CFAP251: variants seen among roughly 807,000 people sequenced by gnomAD.
The protein encoded by CFAP251 is cilia- and flagella-associated protein 251.
Under a neutral mutation model 126.7 loss-of-function variants are expected in CFAP251, and 93 were observed. The observed-to-expected ratio is 0.73, with a 90% confidence interval of 0.62 to 0.87. The LOEUF is 0.87. CFAP251 is among the 40% of genes least tolerant of loss of function. The pLI, the probability that CFAP251 is intolerant of heterozygous loss-of-function variation, is 0.00. For synonymous variants in CFAP251, 503 were observed against 506.9 expected (o/e 0.99, Z 0.10); for missense variants, 1,287 against 1,389.2 (o/e 0.93, Z 1.17).
chr12:121,974,532 A>T lies in CFAP251; in HGVS notation c.2772-712A>T, dbSNP rs1012043987. ...ATGTCCGTGTGACTCCACACTCTGG[A>T]CACTTCCCCACTTCCCCACTGTGGT... On this transcript the variant is annotated intron_variant, in intron 17 of 21. Coordinates refer to ENST00000288912, the MANE Select transcript of CFAP251 (RefSeq NM_144668.6). This position sits in a 1 kb window ranked among gnomAD's most constrained non-coding sequence, Gnocchi z 4.6. 1.3e-5 allele frequency among the ~76,000 whole-genome samples: 2 copies of T among 152,036 alleles called. No homozygotes were observed. Among genetic ancestry groups the T allele is most frequent in the Non-Finnish European group, 2.9e-5 (2 of 68,006 alleles).
chr12:121,926,534 C>G (rs550343338), intron 3 of CFAP251, among the ~76,000 whole-genome samples: 73 of 152,130 alleles, frequency 4.8e-4, no homozygotes, highest in African/African-American at 1.7e-3. Flanking sequence ...CACTATGTCT[C>G]TCAGGCTGGC....
intron 17 of CFAP251, 86 bp from the exon 18 acceptor site, chr12:121,975,157 GA>G: frequency 9.6e-7 from 1 of 1,038,650 alleles, no homozygotes; most frequent in South Asian, 1.3e-5. Flanking sequence ...ATACCCTTCA[GA>G]GGGCCGCAGT....
chr12:121,967,957 C>G (rs754301648), intron 16 of CFAP251, 49 bp from the exon 17 acceptor site: 9 of 1,546,850 alleles, frequency 5.8e-6, no homozygotes, highest in Non-Finnish European at 7.1e-6. Context: ...AGGCCTCTCT[C>G]GGGCCCAGCT....
chr12:121,970,785 C>G (rs956691242), intron 17 of CFAP251, among the ~76,000 whole-genome samples: 7 of 152,230 alleles, frequency 4.6e-5, no homozygotes, highest in African/African-American at 1.4e-4. Flanking sequence ...CACTTGCTGT[C>G]TACTTGGCCC....
In CFAP251 at chr12:121,920,871, A is replaced by G. The variant is rs137878853; in HGVS notation, c.-20-415A>G. Among the ~76,000 whole-genome samples, 193 of 150,304 alleles carry G rather than the reference A, an allele frequency of 1.3e-3. 4 individuals are homozygous for G. The East Asian group carries it at 0.036, about 28-fold the overall frequency. On this transcript the variant is annotated intron_variant, in intron 1 of 21. Transcript: ENST00000288912. ...CTTTTTTTGTTTTTATTTTTGAGAC[A>G]GAACTTTGCTCTTGTTACCCAGGCT...
intron 7 of CFAP251, among the ~76,000 whole-genome samples, chr12:121,945,297 T>C (rs1042772813): frequency 1.3e-5 from 2 of 152,078 alleles, no homozygotes; most frequent in Non-Finnish European, 2.9e-5. Flanking sequence ...CCCACAGCAG[T>C]CAGACTGTTT....
chr12:121,997,394 C>T (rs1346740981), intron 19 of CFAP251: 1 of 100,694 alleles, frequency 9.9e-6, no homozygotes, highest in African/African-American at 4.1e-5. Flanking sequence ...TCCTGACCAT[C>T]ATCTCTCAAA....
chr12:121,920,812 G>A (rs529421403), intron 1 of CFAP251, among the ~76,000 whole-genome samples: 3 of 151,440 alleles, frequency 2.0e-5, no homozygotes, highest in African/African-American at 7.3e-5. Context: ...GATTACAGGC[G>A]TGAGCCACTG....
chr12:121,957,145 A>G lies in CFAP251; in HGVS notation c.1607A>G (p.Tyr536Cys). ...CACACCCTGTCTATTGTTAACTGGTACAGTCACTTGAAACTGGGCGCCATA... is the reference window on the plus strand; with the variant it reads ...CACACCCTGTCTATTGTTAACTGGTGCAGTCACTTGAAACTGGGCGCCATA... ...YDHTLSIVNW[Y>C]SHLKLGAIRT... Residue 536 changes from tyrosine (Y) to cysteine (C), a missense_variant, in exon 11 of 22, where the codon TAC (tyrosine) becomes TGC (cysteine). Physicochemically the swap from Tyr to Cys is radical, Grantham distance 194 (BLOSUM62 -2). Transcript: ENST00000288912. 6.2e-7 allele frequency: 1 copy of G among 1,614,156 alleles called. No individual in the cohort carries two copies. The highest frequency in any genetic ancestry group is 2.2e-5 in the East Asian group (1 of 44,874).
chr12:121,958,772 G>A (rs555294047), intron 12 of CFAP251, among the ~76,000 whole-genome samples, 171 bp from the exon 13 acceptor site: 10 of 152,332 alleles, frequency 6.6e-5, no homozygotes, highest in African/African-American at 2.4e-4. Flanking sequence ...CTATCTGTGC[G>A]TCTCTGCGCG....
chr12:121,975,478 T>G lies in CFAP251; in HGVS notation c.2863-64T>G, dbSNP rs1335161093. On this transcript the variant is annotated intron_variant, in intron 18 of 21. Coordinates refer to ENST00000288912, the MANE Select transcript of CFAP251 (RefSeq NM_144668.6). ...TACTTTCTAGAAAATGTCCTTGAAGTGTTCATGGATGCTTCAGACTTAAGC... is the reference window on the plus strand; with the variant it reads ...TACTTTCTAGAAAATGTCCTTGAAGGGTTCATGGATGCTTCAGACTTAAGC... The G allele has an allele frequency of 5.0e-6, 8 of 1,589,168 alleles. No individual in the cohort carries two copies. In the East Asian group the frequency reaches 1.8e-4, roughly 36 times the overall value.
rs1490859633 is a variant in CFAP251, at chr12:121,999,769, G to A, written c.3060G>A (p.Lys1020=). The change falls in exon 20 of 22, where the codon AAG becomes AAA. Residue 1020 remains lysine, a synonymous_variant. Coordinates refer to ENST00000288912, the MANE Select transcript of CFAP251 (RefSeq NM_144668.6). The part of the protein sequence containing the change: ...IKFGEYVDTG[K]LIDKINLPDF... The stretch of plus-strand genomic sequence containing the variant: ...TTGGTGAATATGTGGACACTGGAAA[G>A]CTAATCGACAAGATCAACTTACCAG... 3 of 1,613,658 alleles carry A rather than the reference G, an allele frequency of 1.9e-6. No individual in the cohort carries two copies. The highest frequency in any genetic ancestry group is 2.5e-6 in the Non-Finnish European group (3 of 1,179,772).
intron 5 of CFAP251, among the ~76,000 whole-genome samples, chr12:121,939,030 C>A (rs1360975254): frequency 6.6e-6 from 1 of 151,890 alleles, no homozygotes. Context: ...TCATGGAAAG[C>A]ACTGGCTGCC....
intron 9 of CFAP251, among the ~76,000 whole-genome samples, chr12:121,952,427 A>C (rs1881567493): frequency 6.6e-6 from 1 of 151,996 alleles, no homozygotes. Context: ...ATATAAAAAA[A>C]AAAAAAATGA....
chr12:121,997,033 G>A (rs1883034567), intron 19 of CFAP251: 1 of 152,196 alleles, frequency 6.6e-6, no homozygotes, highest in Non-Finnish European at 1.5e-5. Context: ...CAACTCGAGA[G>A]CAACAAGTGA....
intron 19 of CFAP251, among the ~76,000 whole-genome samples, chr12:121,976,481 TC>T (rs1257892071): frequency 2.0e-5 from 3 of 152,066 alleles, no homozygotes; most frequent in African/African-American, 7.3e-5. Flanking sequence ...TGGGTGCTTG[TC>T]TGGACTGTGG....
chr12:121,938,585 C>T (rs1248630509), intron 5 of CFAP251, among the ~76,000 whole-genome samples: 2 of 151,082 alleles, frequency 1.3e-5, no homozygotes, highest in Non-Finnish European at 3.0e-5. Flanking sequence ...CTGACTCAGC[C>T]TCCCAAAGTG....
At chr12:121,948,113 G>T (rs1020725523) in intron 7 of CFAP251, 10 of 152,196 alleles carry the variant, frequency 6.6e-5, no homozygotes, top group Non-Finnish European at 1.2e-4. Context: ...TTGCTTTGTT[G>T]TTCTTGCTGT....
At chr12:122,001,373 TGAGTAAAA>T in intron 20 of CFAP251, 116 bp from the exon 21 acceptor site, 1 of 969,636 alleles carries the variant, frequency 1.0e-6, no homozygotes, top group Non-Finnish European at 1.6e-6. Context: ...TTTTTTCAAT[TGAGTAAAA>T]GAAAAAAAAA....
Sources: gnomAD v4.1 joint callset for allele counts (sites outside exome capture counted in the v4.1 genomes callset) on GRCh38, gnomAD v4.1.1 for gene constraint, Gnocchi (gnomAD v3.1) non-coding constraint, MANE v1.5 for transcripts, NCBI Gene and HGNC (gene_info 2026-07-23, HGNC 2026-07-21) for gene names.